The following CMC4 variants were observed in gnomAD, a reference collection of about 807,000 sequenced individuals.
The protein encoded by CMC4 is cx9C motif-containing protein 4.
A neutral mutation model predicts 5.1 loss-of-function variants in CMC4; 4 were observed. The observed-to-expected ratio is 0.78, with a 90% confidence interval of 0.38 to 1.78. CMC4 has a LOEUF of 1.78. Ranked by LOEUF, CMC4 falls within the 40% of genes most tolerant of loss-of-function variation. The pLI is 0.04. For missense variants in CMC4, 52 were observed against 51.3 expected (o/e 1.01, Z -0.04); for synonymous variants, 23 against 18.9 (o/e 1.22, Z -0.57).
chrX:155,063,020 G>C (rs1429618060), intron 2 of CMC4, among the ~76,000 whole-genome samples: 2 of 104,738 alleles, frequency 1.9e-5, no homozygotes, highest in African/African-American at 7.7e-5. Flanking sequence ...TTTTCCCTTA[G>C]CTATGGGTTA....
At chrX:155,070,473 T>G (rs1281054625) in intron 1 of CMC4, among the ~76,000 whole-genome samples, 32 of 111,920 alleles carry the variant, frequency 2.9e-4, no homozygotes, top group Non-Finnish European at 3.8e-5. Context: ...ATATTTTTAC[T>G]GTCTGATATC....
chrX:155,069,449 A>G (rs1302865020), intron 1 of CMC4, among the ~76,000 whole-genome samples: 5 of 112,264 alleles, frequency 4.5e-5, no homozygotes, highest in African/African-American at 1.6e-4. Context: ...TAATCATGAT[A>G]GTCTTTATTT....
chrX:155,062,510 G>C (rs1557291696), intron 2 of CMC4, among the ~76,000 whole-genome samples: 1 of 111,724 alleles, frequency 9.0e-6, no homozygotes, highest in Admixed American at 9.4e-5. Context: ...ATACAACAAA[G>C]GCCTTTGGCC....
chrX:155,068,607 A>C lies in CMC4; in HGVS notation c.-11+2087T>G, dbSNP rs782649311. Reference sequence around the variant, plus strand: ...CAAAGCCTATACAATCACAGGTTTTATGAGTGGAAAAATGTGATTCTTAGA... The same window carrying C: ...CAAAGCCTATACAATCACAGGTTTTCTGAGTGGAAAAATGTGATTCTTAGA... On this transcript the variant is annotated intron_variant, in intron 1 of 2. Transcript: ENST00000369484. Among the ~76,000 whole-genome samples the C allele has an allele frequency of 1.1e-4, 12 of 112,596 alleles. 3 individuals are homozygous for C. Among genetic ancestry groups the C allele is most frequent in the Admixed American group, 1.0e-3 (11 of 10,690 alleles).
At chrX:155,064,157 T>A in intron 1 of CMC4, 124 bp from the exon 2 acceptor site, 1 of 404,323 alleles carries the variant, frequency 2.5e-6, no homozygotes, top group Non-Finnish European at 4.2e-6. Context: ...ATAATTACAC[T>A]AAAAATACTC....
At position 155,070,906 on chromosome X, in the gene CMC4, G is replaced by T. The variant is rs1332419750; in HGVS notation, c.-223C>A. The T allele has an allele frequency of 8.9e-6, 1 of 112,638 alleles. No individual in the cohort carries two copies. Among genetic ancestry groups the T allele is most frequent in the Non-Finnish European group, 1.9e-5 (1 of 53,229 alleles). 9.3% of individuals were successfully genotyped at this position (112,638 alleles called of 1,213,427 possible). On this transcript the variant is annotated 5_prime_UTR_variant, in exon 1 of 3. Coordinates refer to ENST00000369484, the MANE Select transcript of CMC4 (RefSeq NM_001018024.3). ...CAGGGAGAGTTGTACGAGATTCGGG[G>T]GCTGTGACTTGGAAATAAAACAAAA...
chrX:155,065,787 C>T, intron 1 of CMC4: 1 of 1,209,241 alleles, frequency 8.3e-7, no homozygotes, highest in Non-Finnish European at 1.1e-6. Context: ...GGAAACTCGT[C>T]TCCTAATGGA....
chrX:155,070,945 T>G lies in CMC4; in HGVS notation c.-262A>C, dbSNP rs2073971713. On this transcript the variant is annotated 5_prime_UTR_variant, in exon 1 of 3. Transcript: ENST00000369484. ...AATAAAACAAAATAAAATAAAACCTTAACTGTTTTGGGACTGACTTTCAAA... is the reference window on the plus strand; with the variant it reads ...AATAAAACAAAATAAAATAAAACCTGAACTGTTTTGGGACTGACTTTCAAA... 1 of 112,617 alleles carries G rather than the reference T, an allele frequency of 8.9e-6. No homozygotes were observed. The highest frequency in any genetic ancestry group is 3.6e-4 in the South Asian group (1 of 2,783). The allele number at this position is 112,617 out of a possible 1,213,427, so 9.3% of individuals were successfully genotyped here.
chrX:155,061,750 T>C lies in CMC4; in HGVS notation c.*93A>G. On this transcript the variant is annotated 3_prime_UTR_variant, in exon 3 of 3. Coordinates refer to ENST00000369484, the MANE Select transcript of CMC4 (RefSeq NM_001018024.3). ...TTCATTAACTTTTGTAGCTGACTTT[T>C]TCATTTGCTATTTGCTGCTACCTGG... is the stretch of plus-strand genomic sequence containing the variant. 9.5e-7 allele frequency: 1 copy of C among 1,049,248 alleles called. No homozygotes were observed. The highest frequency in any genetic ancestry group is 1.3e-6 in the Non-Finnish European group (1 of 778,443). The allele number at this position is 1,049,248 out of a possible 1,213,427, so 86.5% of individuals were successfully genotyped here.
intron 1 of CMC4, among the ~76,000 whole-genome samples, chrX:155,070,101 A>G (rs1192024395): frequency 8.9e-6 from 1 of 112,334 alleles, no homozygotes; most frequent in Non-Finnish European, 1.9e-5. Context: ...TTAGGTAAAA[A>G]CGGAGGCTGC....
Position 155,070,852 on chromosome X carries a change from G to T in CMC4, c.-169C>A, listed in dbSNP as rs1446138065. ...CCGAGGTCACTCGAACCGAAGTTAT[G>T]AGGCGCGGGCCGGCAACCGGAAGTG... On this transcript the variant is annotated 5_prime_UTR_variant, in exon 1 of 3. Coordinates refer to ENST00000369484, the MANE Select transcript of CMC4 (RefSeq NM_001018024.3). The T allele has an allele frequency of 4.4e-5, 5 of 112,901 alleles. No individual in the cohort carries two copies. The highest frequency in any genetic ancestry group is 1.3e-4 in the African/African-American group (4 of 31,122). 9.3% of individuals were successfully genotyped at this position (112,901 alleles called of 1,213,427 possible).
chrX:155,063,855 A>T, intron 2 of CMC4, 111 bp downstream of exon 2: 2 of 573,744 alleles, frequency 3.5e-6, no homozygotes, highest in Non-Finnish European at 5.6e-6. Context: ...CAGGATAATT[A>T]CATATACGTT....
chrX:155,063,231 CACAA>C (rs782111300), intron 2 of CMC4, among the ~76,000 whole-genome samples: 5 of 112,154 alleles, frequency 4.5e-5, no homozygotes, highest in African/African-American at 6.5e-5. Context: ...CAAGGAGATA[CACAA>C]ACAAAGGATT....
chrX:155,065,295 A>G, intron 1 of CMC4: 1 of 446,955 alleles, frequency 2.2e-6, no homozygotes. Context: ...TTTTCAACCC[A>G]CTCCCTCCCC....
intron 1 of CMC4, among the ~76,000 whole-genome samples, chrX:155,069,218 T>C (rs1402912210): frequency 8.9e-6 from 1 of 112,806 alleles, no homozygotes; most frequent in Admixed American, 9.3e-5. Context: ...AATTGCCAGG[T>C]TGATGAACAG....
chrX:155,065,645 A>G (rs782437177), intron 1 of CMC4: 15 of 1,211,778 alleles, frequency 1.2e-5, no homozygotes, highest in Non-Finnish European at 1.6e-5. Context: ...ATCTGCCACA[A>G]GCGAGAGTTG....
chrX:155,062,087 A>T, intron 2 of CMC4, 96 bp from the exon 3 acceptor site: 3 of 832,095 alleles, frequency 3.6e-6, no homozygotes, highest in Non-Finnish European at 4.9e-6. Context: ...CACTTTCAGT[A>T]CCTATGGAAC....
intron 1 of CMC4, among the ~76,000 whole-genome samples, chrX:155,066,568 GTTTGT>G (rs1454258536): frequency 2.7e-5 from 3 of 112,178 alleles, no homozygotes; most frequent in Non-Finnish European, 5.6e-5. Flanking sequence ...GAAATTAAAA[GTTTGT>G]TTTAAGGGCA....
In CMC4 at chrX:155,061,834, A is replaced by C. The variant is rs1268409157; in HGVS notation, c.*9T>G. 4.1e-6 allele frequency: 5 copies of C among 1,206,841 alleles called. No homozygotes were observed. In the African/African-American group the frequency reaches 8.7e-5, roughly 21 times the overall value. ...TGGTGGAAACATGGAGCAGCACTTC[A>C]GAAGAACTTTACTTTGATGCAGACT... is the stretch of plus-strand genomic sequence containing the variant. On this transcript the variant is annotated 3_prime_UTR_variant, in exon 3 of 3. Transcript: ENST00000369484.
Sources: allele counts gnomAD v4.1 joint callset (sites outside exome capture counted in the v4.1 genomes callset), GRCh38; gene constraint gnomAD v4.1.1; transcripts MANE v1.5; gene names NCBI Gene and HGNC (gene_info 2026-07-23, HGNC 2026-07-21).